The following OSBPL3 variants were observed in gnomAD, a reference collection of about 807,000 sequenced individuals.
OSBPL3 encodes the protein oxysterol-binding protein-related protein 3.
Under a neutral mutation model 120.1 loss-of-function variants are expected in OSBPL3, and 65 were observed. The ratio of observed to expected loss-of-function variants is 0.54; its 90% CI spans 0.44 to 0.67. The LOEUF is 0.67. OSBPL3 is among the 30% of genes least tolerant of loss of function. The pLI is 0.00. For missense variants in OSBPL3, 1,004 were observed against 1,082.1 expected, an observed-to-expected ratio of 0.93 and a Z score of 1.01; for synonymous variants, 416 against 402.6, an observed-to-expected ratio of 1.03 and a Z score of -0.40.
In OSBPL3 at chr7:24,817,143, G is replaced by A. The variant is rs985628378; in HGVS notation, c.1949-455C>T. Among the ~76,000 whole-genome samples the A allele has an allele frequency of 1.3e-5, 2 of 152,156 alleles. No homozygotes were observed. The highest frequency in any genetic ancestry group is 1.9e-4 in the East Asian group (1 of 5,194). On this transcript the variant is annotated intron_variant, in intron 17 of 22. Coordinates refer to ENST00000313367, the MANE Select transcript of OSBPL3 (RefSeq NM_015550.4). The surrounding 1 kb of genome is among the most constrained non-coding windows in gnomAD (Gnocchi z 4.0). Reference sequence around the variant, plus strand: ...AAATAAATAGCTTGTCTGAGGGGACGGAAGTATAGGAAAACACAGTCAAAT... The same window carrying A: ...AAATAAATAGCTTGTCTGAGGGGACAGAAGTATAGGAAAACACAGTCAAAT...
At chr7:24,878,710 T>C (rs1178895450) in intron 2 of OSBPL3, among the ~76,000 whole-genome samples, 1 of 152,196 alleles carries the variant, frequency 6.6e-6, no homozygotes, top group East Asian at 1.9e-4. Context: ...CTGATAGCAA[T>C]GGCAATTTTT....
At chr7:24,858,539 T>C (rs561235645) in intron 10 of OSBPL3, among the ~76,000 whole-genome samples, 26 of 152,340 alleles carry the variant, frequency 1.7e-4, no homozygotes, top group African/African-American at 5.8e-4. Context: ...TCTGCAAGTG[T>C]ACTGTAAAAC....
rs1331787759 is a variant in OSBPL3, at chr7:24,940,577, G to A, written c.-150+39309C>T. 6.6e-6 allele frequency among the ~76,000 whole-genome samples: 1 copy of A among 152,120 alleles called. No individual in the cohort carries two copies. Among genetic ancestry groups the A allele is most frequent in the Non-Finnish European group, 1.5e-5 (1 of 68,008 alleles). ...GTGATGGAGGAAAGGGTATTTCAGA[G>A]ATAACCATCTCAAAGTGAGAGCACC... is the stretch of plus-strand genomic sequence containing the variant. On this transcript the variant is annotated intron_variant, in intron 1 of 22. Transcript: ENST00000313367. The surrounding 1 kb of genome is among the most constrained non-coding windows in gnomAD (Gnocchi z 4.4).
chr7:24,899,620 A>G lies in OSBPL3; in HGVS notation c.-149-6999T>C, dbSNP rs187057693. On this transcript the variant is annotated intron_variant, in intron 1 of 22. Coordinates refer to ENST00000313367, the MANE Select transcript of OSBPL3 (RefSeq NM_015550.4). The surrounding 1 kb of genome is among the most constrained non-coding windows in gnomAD (Gnocchi z 4.0). ...ATATGAAATCTATACTCACCCAAGT[A>G]AATTATACTTGGAGATTTAGTAACG... Among the ~76,000 whole-genome samples the G allele has an allele frequency of 6.6e-6, 1 of 152,338 alleles. No individual in the cohort carries two copies. Among genetic ancestry groups the G allele is most frequent in the East Asian group, 1.9e-4 (1 of 5,190 alleles).
intron 1 of OSBPL3, among the ~76,000 whole-genome samples, chr7:24,929,884 T>C (rs77721878): frequency 0.14 from 21,824 of 152,200 alleles, 1,948 homozygotes; most frequent in East Asian, 0.23. Flanking sequence ...TGGATTTCAT[T>C]TGATATCTGC....
At chr7:24,949,290 C>G (rs1227097352) in intron 1 of OSBPL3, among the ~76,000 whole-genome samples, 1 of 151,936 alleles carries the variant, frequency 6.6e-6, no homozygotes, top group Non-Finnish European at 1.5e-5. Flanking sequence ...TGTGTTCCAC[C>G]AAGTCTGGAA....
At position 24,899,418 on chromosome 7, in the gene OSBPL3, G is replaced by A. The variant is rs1806655498; in HGVS notation, c.-149-6797C>T. Among the ~76,000 whole-genome samples the A allele has an allele frequency of 6.6e-6, 1 of 152,162 alleles. No individual in the cohort carries two copies. The highest frequency in any genetic ancestry group is 2.1e-4 in the South Asian group (1 of 4,820). On this transcript the variant is annotated intron_variant, in intron 1 of 22. Coordinates refer to ENST00000313367, the MANE Select transcript of OSBPL3 (RefSeq NM_015550.4). The surrounding 1 kb of genome is among the most constrained non-coding windows in gnomAD (Gnocchi z 4.0). Reference sequence around the variant, plus strand: ...GAAGTTGGGCTTCCTTCTTTCTGAAGCGGACTCCTTTACTTCCTTTAACTA... The same window carrying A: ...GAAGTTGGGCTTCCTTCTTTCTGAAACGGACTCCTTTACTTCCTTTAACTA...
chr7:24,978,496 A>G (rs1817829382), intron 1 of OSBPL3, among the ~76,000 whole-genome samples: 1 of 152,198 alleles, frequency 6.6e-6, no homozygotes, highest in Non-Finnish European at 1.5e-5. Context: ...AAGTGCTATG[A>G]GCAACAGCAA....
chr7:24,809,462 G>A (rs1793487291), intron 20 of OSBPL3, among the ~76,000 whole-genome samples: 1 of 152,124 alleles, frequency 6.6e-6, no homozygotes, highest in Non-Finnish European at 1.5e-5. Context: ...CTTTGTCCTT[G>A]CTGTAGAATG....
chr7:24,899,464 C>G lies in OSBPL3; in HGVS notation c.-149-6843G>C, dbSNP rs548025059. Among the ~76,000 whole-genome samples the G allele has an allele frequency of 1.3e-3, 196 of 152,214 alleles. No homozygotes were observed. Among genetic ancestry groups the G allele is most frequent in the African/African-American group, 4.6e-3 (192 of 41,536 alleles). On this transcript the variant is annotated intron_variant, in intron 1 of 22. Transcript: ENST00000313367. The surrounding 1 kb of genome is among the most constrained non-coding windows in gnomAD (Gnocchi z 4.0). ...AACTAAAATTCAGGACTTGACTGTT[C>G]TATTATTATTACCATCATTATAATC...
At position 24,835,705 on chromosome 7, in the gene OSBPL3, C is replaced by T. The variant is rs1416849581; in HGVS notation, c.1496-969G>A. Among the ~76,000 whole-genome samples the T allele has an allele frequency of 1.3e-5, 2 of 152,118 alleles. No individual in the cohort carries two copies. Among genetic ancestry groups the T allele is most frequent in the Non-Finnish European group, 1.5e-5 (1 of 68,034 alleles). ...TAGACTAGATAAAGAAAATGTGGTA[C>T]ATATACACCATGGAATACTGTGCAG... is the stretch of plus-strand genomic sequence containing the variant. On this transcript the variant is annotated intron_variant, in intron 14 of 22. Coordinates refer to ENST00000313367, the MANE Select transcript of OSBPL3 (RefSeq NM_015550.4). The surrounding 1 kb of genome is among the most constrained non-coding windows in gnomAD (Gnocchi z 4.8).
In OSBPL3 at chr7:24,872,946, T is replaced by C. The variant is rs1346408603; in HGVS notation, c.97-877A>G. Among the ~76,000 whole-genome samples the C allele has an allele frequency of 2.0e-5, 3 of 152,234 alleles. No individual in the cohort carries two copies. The highest frequency in any genetic ancestry group is 7.2e-5 in the African/African-American group (3 of 41,466). On this transcript the variant is annotated intron_variant, in intron 2 of 22. Coordinates refer to ENST00000313367, the MANE Select transcript of OSBPL3 (RefSeq NM_015550.4). The surrounding 1 kb of genome is among the most constrained non-coding windows in gnomAD (Gnocchi z 4.1). ...TGACTGGGAGAATTTATTTTTATTATTATTTTTACATTTTTATTGGGGTAC... is the reference window on the plus strand; with the variant it reads ...TGACTGGGAGAATTTATTTTTATTACTATTTTTACATTTTTATTGGGGTAC...
chr7:24,977,851 G>A (rs1468952674), intron 1 of OSBPL3, among the ~76,000 whole-genome samples: 1 of 152,148 alleles, frequency 6.6e-6, no homozygotes, highest in Non-Finnish European at 1.5e-5. Flanking sequence ...GTGAGACTAC[G>A]TCTCAAAAAA....
chr7:24,815,104 C>T lies in OSBPL3; in HGVS notation c.2127G>A (p.Lys709=). 3 of 1,613,938 alleles carry T rather than the reference C, an allele frequency of 1.9e-6. No individual in the cohort carries two copies. The East Asian group carries it at 6.7e-5, about 36-fold the overall frequency. The change falls in exon 19 of 23, where the codon AAG becomes AAA. Residue 709 remains lysine (K), a synonymous_variant. Transcript: ENST00000313367. This position sits in a 1 kb window ranked among gnomAD's most constrained non-coding sequence, Gnocchi z 5.1. ...AGTAGCAGGAATCATCATGCAGGTT[C>T]TTGATGACAATCTCTCCATAGTGCT... ...WIEHYGEIVI[K]NLHDDSCYCK... is the part of the protein sequence containing the mutation.
In OSBPL3 at chr7:24,833,543, T is replaced by C. The variant is rs1231688127; in HGVS notation, c.1746+943A>G. 6.6e-6 allele frequency among the ~76,000 whole-genome samples: 1 copy of C among 152,162 alleles called. No homozygotes were observed. The highest frequency in any genetic ancestry group is 2.4e-5 in the African/African-American group (1 of 41,442). ...GAATGTAGAAAATAATAGCATCCTCTATCAATGGGGAGTGTCGGCAGGGCT... is the reference window on the plus strand; with the variant it reads ...GAATGTAGAAAATAATAGCATCCTCCATCAATGGGGAGTGTCGGCAGGGCT... On this transcript the variant is annotated intron_variant, in intron 15 of 22. Coordinates refer to ENST00000313367, the MANE Select transcript of OSBPL3 (RefSeq NM_015550.4). This position sits in a 1 kb window ranked among gnomAD's most constrained non-coding sequence, Gnocchi z 4.4.
chr7:24,865,210 C>A, intron 7 of OSBPL3, 132 bp downstream of exon 7: 1 of 941,914 alleles, frequency 1.1e-6, no homozygotes, highest in South Asian at 1.6e-5. Flanking sequence ...ATGGGTGCAA[C>A]CTTTACAAGC....
At chr7:24,905,012 A>T (rs1165965924) in intron 1 of OSBPL3, among the ~76,000 whole-genome samples, 1 of 150,848 alleles carries the variant, frequency 6.6e-6, no homozygotes, top group Admixed American at 6.6e-5. Flanking sequence ...CATAATCAGG[A>T]GTGTTGCACA....
intron 22 of OSBPL3, 91 bp from the exon 23 acceptor site, chr7:24,800,370 T>A (rs1355076990): frequency 5.6e-6 from 4 of 709,130 alleles, no homozygotes; most frequent in African/African-American, 3.6e-5. Flanking sequence ...GCTTTCCCCA[T>A]CCTCATTCCC....
At chr7:24,906,140 T>C (rs1399217515) in intron 1 of OSBPL3, 9 of 182,450 alleles carry the variant, frequency 4.9e-5, no homozygotes, top group Non-Finnish European at 1.1e-4. Context: ...TAGTGAGTCA[T>C]TCTGGGCTCA....
Sources: gnomAD v4.1 joint callset for allele counts (sites outside exome capture counted in the v4.1 genomes callset) on GRCh38, gnomAD v4.1.1 for gene constraint, Gnocchi (gnomAD v3.1) non-coding constraint, MANE v1.5 for transcripts, NCBI Gene and HGNC (gene_info 2026-07-23, HGNC 2026-07-21) for gene names.